PRKCB: variants seen among roughly 807,000 people sequenced by gnomAD.
PRKCB encodes the protein protein kinase C beta, also known as protein kinase C beta type.
PRKCB carries 13 observed loss-of-function variants against 81.5 expected under a neutral mutation model. The observed-to-expected ratio is 0.16, with a 90% confidence interval of 0.10 to 0.25. The LOEUF (loss-of-function observed/expected upper bound fraction) is 0.25, where lower values mean the gene tolerates loss of function less well. Among genes scored for constraint, PRKCB ranks in the 10% least tolerant of loss-of-function variants. The probability of loss-of-function intolerance (pLI) is 1.00; values close to 1 mark genes in which losing one functional copy is unlikely to be tolerated. For synonymous variants in PRKCB, 335 were observed against 321.4 expected, an observed-to-expected ratio of 1.04 and a Z score of -0.45; for missense variants, 509 against 875.7, an observed-to-expected ratio of 0.58 and a Z score of 5.29.
At chr16:24,019,903 G>A (rs927390179) in intron 3 of PRKCB, among the ~76,000 whole-genome samples, 1 of 152,110 alleles carries the variant, frequency 6.6e-6, no homozygotes, top group Admixed American at 6.5e-5. Context: ...GTGACACTTA[G>A]CGTGTTTAAA....
At chr16:24,052,334 G>A (rs933591336) in intron 5 of PRKCB, among the ~76,000 whole-genome samples, 2 of 152,248 alleles carry the variant, frequency 1.3e-5, no homozygotes, top group East Asian at 3.9e-4. Context: ...TTCACACTCC[G>A]GTTACCAGAA....
At chr16:23,990,709 G>A (rs1175026443) in intron 3 of PRKCB, among the ~76,000 whole-genome samples, 1 of 151,818 alleles carries the variant, frequency 6.6e-6, no homozygotes, top group Non-Finnish European at 1.5e-5. Context: ...CACCACACCT[G>A]GCTAATTTTT....
chr16:24,169,288 G>A (rs933165827), intron 10 of PRKCB, among the ~76,000 whole-genome samples: 1 of 152,060 alleles, frequency 6.6e-6, no homozygotes, highest in Non-Finnish European at 1.5e-5. Context: ...GCTCGCTTTG[G>A]TCAGGCATGG....
intron 2 of PRKCB, among the ~76,000 whole-genome samples, chr16:23,973,742 A>G (rs961218740): frequency 1.3e-5 from 2 of 152,054 alleles, no homozygotes; most frequent in East Asian, 1.9e-4. Flanking sequence ...GTGCATTGGC[A>G]TGATCACGGC....
chr16:23,870,672 C>T (rs759789261), intron 2 of PRKCB, among the ~76,000 whole-genome samples: 2 of 152,214 alleles, frequency 1.3e-5, no homozygotes, highest in East Asian at 1.9e-4. Context: ...CCTACCTGCA[C>T]GTAGGTTGAT....
rs559048639 is a variant in PRKCB, at chr16:23,889,323, A to T, written c.205+51917A>T. Among the ~76,000 whole-genome samples, 6 of 152,368 alleles carry T rather than the reference A, an allele frequency of 3.9e-5. No individual in the cohort carries two copies. The South Asian group carries it at 1.2e-3, about 32-fold the overall frequency. On this transcript the variant is annotated intron_variant, in intron 2 of 16. Transcript: ENST00000643927. ...TTGTCTCAGTCTCCTCAGCTATAAA[A>T]TGAGATTGATGTTGAAATTAATAAC...
chr16:24,174,397 G>C, intron 11 of PRKCB, 121 bp from the exon 12 acceptor site: 1 of 845,748 alleles, frequency 1.2e-6, no homozygotes, highest in South Asian at 1.8e-5. Flanking sequence ...CTATATAGCT[G>C]ACCATCCATG....
rs1404410866 is a variant in PRKCB at position 24,215,355 on chromosome 16, A to T, written c.*539A>T. 4.1e-6 allele frequency: 4 copies of T among 986,106 alleles called. No homozygotes were observed. The African/African-American group carries it at 5.2e-5, about 13-fold the overall frequency. 61.1% of individuals were successfully genotyped at this position (986,106 alleles called of 1,614,324 possible). ...TTATTTTTGTAAACTCAAAGTTAAG[A>T]TGATCAAAGTTCTAAAATTCCAAGA... On this transcript the variant is annotated 3_prime_UTR_variant, in exon 17 of 17. Coordinates refer to ENST00000643927, the MANE Select transcript of PRKCB (RefSeq NM_002738.7).
At chr16:23,982,297 T>TC (rs1401110864) in intron 2 of PRKCB, among the ~76,000 whole-genome samples, 1 of 81,720 alleles carries the variant, frequency 1.2e-5, no homozygotes, top group African/African-American at 5.0e-5. Context: ...CCCTTCCCCT[T>TC]CCCTTCCCTT....
rs370207849 is a variant in PRKCB, at chr16:24,157,919, T to G, written c.1239+3062T>G. ...CCTTTATAAATTACCGAGTCTCAGG[T>G]ATGTCTAATGGACTAATGAGAATGG... On this transcript the variant is annotated intron_variant, in intron 10 of 16. Transcript: ENST00000643927. Among the ~76,000 whole-genome samples the G allele has an allele frequency of 4.0e-4, 61 of 152,086 alleles. 2 individuals are homozygous for G. In the South Asian group the frequency reaches 0.012, roughly 31 times the overall value.
intron 2 of PRKCB, among the ~76,000 whole-genome samples, chr16:23,946,745 G>A (rs1178540721): frequency 6.6e-6 from 1 of 152,182 alleles, no homozygotes; most frequent in African/African-American, 2.4e-5. Context: ...TTGTGATCCA[G>A]TAGGTCTGGG....
intron 12 of PRKCB, among the ~76,000 whole-genome samples, chr16:24,175,485 A>G (rs1260026010): frequency 6.6e-6 from 1 of 151,814 alleles, no homozygotes; most frequent in Non-Finnish European, 1.5e-5. Context: ...AGATAAGTGA[A>G]TCATAAAAAC....
At chr16:23,925,210 A>G (rs1466876662) in intron 2 of PRKCB, among the ~76,000 whole-genome samples, 1 of 152,112 alleles carries the variant, frequency 6.6e-6, no homozygotes, top group African/African-American at 2.4e-5. Context: ...ATAGGAAAGC[A>G]TTGACATTGT....
chr16:24,072,867 C>T (rs1966129142), intron 5 of PRKCB, among the ~76,000 whole-genome samples: 1 of 152,076 alleles, frequency 6.6e-6, no homozygotes, highest in South Asian at 2.1e-4. Context: ...CATGTGTGCG[C>T]CACGCACCTG....
chr16:24,035,631 A>C, intron 5 of PRKCB, 84 bp downstream of exon 5: 1 of 235,658 alleles, frequency 4.2e-6, no homozygotes. Context: ...GGGGTGGGGC[A>C]GTCCAGTGGA....
intron 8 of PRKCB, among the ~76,000 whole-genome samples, chr16:24,117,075 T>TA (rs1397998585): frequency 9.2e-5 from 14 of 152,208 alleles, no homozygotes; most frequent in African/African-American, 3.1e-4. Flanking sequence ...ACTTGTTGAT[T>TA]TAAAAAAATG....
intron 2 of PRKCB, among the ~76,000 whole-genome samples, chr16:23,863,466 G>A (rs1429050165): frequency 1.3e-5 from 2 of 152,038 alleles, no homozygotes; most frequent in Non-Finnish European, 2.9e-5. Context: ...TTGGGGTCTG[G>A]ATCAGGACTC....
intron 2 of PRKCB, among the ~76,000 whole-genome samples, chr16:23,875,577 C>T (rs1356384682): frequency 1.2e-4 from 1 of 8,182 alleles, no homozygotes; most frequent in African/African-American, 7.1e-4. Flanking sequence ...GTATATCAAA[C>T]ACATATGTAT....
rs1210105406 is a variant in PRKCB, at chr16:23,912,507, C to CTTTTTTTTTTTTTTTTTTT, written c.205+75106_205+75124dup. Reference sequence around the variant, plus strand: ...TCTTCTTTTCCTTTCTTTCTTTCTTCTTTTTTTTTTTTTTTTTTTTTTTGA... The same window carrying CTTTTTTTTTTTTTTTTTTT: ...TCTTCTTTTCCTTTCTTTCTTTCTTCTTTTTTTTTTTTTTTTTTTTTTTTTTTTTTTTTTTTTTTTTTGA... On this transcript the variant is annotated intron_variant, in intron 2 of 16. Transcript: ENST00000643927. 1.2e-3 allele frequency among the ~76,000 whole-genome samples: 89 copies of CTTTTTTTTTTTTTTTTTTT among 72,086 alleles called. 4 individuals carry two copies. Among genetic ancestry groups the CTTTTTTTTTTTTTTTTTTT allele is most frequent in the Non-Finnish European group, 1.3e-3 (55 of 42,190 alleles). 47.3% of individuals were successfully genotyped at this position (72,086 alleles called of 152,430 possible). A position where few individuals can be genotyped will look rare whatever the true frequency, so the allele number is the denominator to read the frequency against.
Sources: gnomAD v4.1 joint callset for allele counts (sites outside exome capture counted in the v4.1 genomes callset) on GRCh38, gnomAD v4.1.1 for gene constraint, MANE v1.5 for transcripts, NCBI Gene and HGNC (gene_info 2026-07-23, HGNC 2026-07-21) for gene names.